STON2: variants seen among roughly 807,000 people sequenced by gnomAD.
STON2 encodes the protein stonin-2.
STON2 carries 29 observed loss-of-function variants against 65.7 expected under a neutral mutation model. The ratio of observed to expected loss-of-function variants is 0.44; its 90% CI spans 0.33 to 0.60. The LOEUF (loss-of-function observed/expected upper bound fraction) is 0.60. Ranked by LOEUF, STON2 falls within the 20% of genes least tolerant of loss-of-function variation. The pLI is 0.03. For missense variants in STON2, 1,054 were observed against 1,118.1 expected, an observed-to-expected ratio of 0.94 and a Z score of 0.82; for synonymous variants, 404 against 414.2, an observed-to-expected ratio of 0.98 and a Z score of 0.30.
chr14:81,425,914 A>G (rs1413805966), intron 2 of STON2, among the ~76,000 whole-genome samples: 4 of 152,236 alleles, frequency 2.6e-5, no homozygotes, highest in African/African-American at 9.7e-5. Flanking sequence ...GAAGAAAAAC[A>G]GTAGCAATAT....
chr14:81,337,991 G>C (rs1301572875), intron 4 of STON2, among the ~76,000 whole-genome samples: 1 of 152,126 alleles, frequency 6.6e-6, no homozygotes, highest in African/African-American at 2.4e-5. Flanking sequence ...AAACATGTTT[G>C]GTTTCTACCC....
chr14:81,285,487 T>G (rs1895297166), intron 5 of STON2, among the ~76,000 whole-genome samples: 1 of 152,188 alleles, frequency 6.6e-6, no homozygotes, highest in Admixed American at 6.5e-5. Context: ...TCTTTTTCCT[T>G]TTTATGGAGA....
At chr14:81,315,915 G>A (rs1298867574) in intron 5 of STON2, among the ~76,000 whole-genome samples, 1 of 152,184 alleles carries the variant, frequency 6.6e-6, no homozygotes, top group Non-Finnish European at 1.5e-5. Flanking sequence ...AACGTCACCA[G>A]AAAGGTAACA....
rs997206310 is a variant in STON2 at position 81,267,118 on chromosome 14, G to A, written c.*1296C>T. 1.6e-5 allele frequency: 16 copies of A among 985,156 alleles called. No individual in the cohort carries two copies. The highest frequency in any genetic ancestry group is 4.7e-5 in the South Asian group (1 of 21,274). The allele number at this position is 985,156 out of a possible 1,614,324, so 61.0% of individuals were successfully genotyped here. Reference sequence around the variant, plus strand: ...CAATGAAGTGTGCTTTCTGTCCCCCGACTTGTATTCTTCATGGGAGAAAAC... The same window carrying A: ...CAATGAAGTGTGCTTTCTGTCCCCCAACTTGTATTCTTCATGGGAGAAAAC... On this transcript the variant is annotated 3_prime_UTR_variant, in exon 8 of 8. Coordinates refer to ENST00000614646, the MANE Select transcript of STON2 (RefSeq NM_001394390.1).
In STON2 at chr14:81,267,534, ATT is replaced by A; in HGVS notation, c.*878_*879del. ...TACAAATGCCTCAGGTATTATGTAT[ATT>A]TGTTTCAGGAATCAGAAGTGGACTG... On this transcript the variant is annotated 3_prime_UTR_variant, in exon 8 of 8. Coordinates refer to ENST00000614646, the MANE Select transcript of STON2 (RefSeq NM_001394390.1). 1 of 985,364 alleles carries A rather than the reference ATT, an allele frequency of 1.0e-6. No individual in the cohort carries two copies. The highest frequency in any genetic ancestry group is 1.2e-6 in the Non-Finnish European group (1 of 829,858). 61.0% of individuals were successfully genotyped at this position (985,364 alleles called of 1,614,324 possible).
Position 81,268,179 on chromosome 14 carries a change from T to A in STON2, c.*235A>T, listed in dbSNP as rs576876088. 4 of 1,125,682 alleles carry A rather than the reference T, an allele frequency of 3.6e-6. No individual in the cohort carries two copies. In the East Asian group the frequency reaches 2.1e-4, roughly 59 times the overall value. 69.7% of individuals were successfully genotyped at this position (1,125,682 alleles called of 1,614,324 possible). A position where few individuals can be genotyped will look rare whatever the true frequency, so the allele number is the denominator to read the frequency against. ...GTAAGCTCCAACAGTCAGGTGAACCTCGTGCTTTAGGCATGACCAGAATCA... is the reference window on the plus strand; with the variant it reads ...GTAAGCTCCAACAGTCAGGTGAACCACGTGCTTTAGGCATGACCAGAATCA... On this transcript the variant is annotated 3_prime_UTR_variant, in exon 8 of 8. Transcript: ENST00000614646.
intron 7 of STON2, chr14:81,269,335 C>T (rs373589105): frequency 1.0e-6 from 1 of 985,426 alleles, no homozygotes; most frequent in African/African-American, 1.7e-5. Context: ...TTTAGAAAAC[C>T]TCCGAACTGA....
At chr14:81,386,994 G>A (rs1489841086) in intron 3 of STON2, among the ~76,000 whole-genome samples, 1 of 152,164 alleles carries the variant, frequency 6.6e-6, no homozygotes, top group African/African-American at 2.4e-5. Flanking sequence ...TTTAAAGCCA[G>A]AGGAAGCCTT....
intron 5 of STON2, among the ~76,000 whole-genome samples, chr14:81,316,296 T>C (rs1315530371): frequency 6.6e-6 from 1 of 152,180 alleles, no homozygotes; most frequent in Non-Finnish European, 1.5e-5. Flanking sequence ...TCTATTTCAG[T>C]GGTCAGGGCA....
chr14:81,392,547 T>G (rs954151793), intron 3 of STON2, among the ~76,000 whole-genome samples: 1 of 152,190 alleles, frequency 6.6e-6, no homozygotes, highest in African/African-American at 2.4e-5. Context: ...GTGGGCCAAG[T>G]GTAGCATAGT....
intron 5 of STON2, among the ~76,000 whole-genome samples, chr14:81,305,274 C>A (rs1396174888): frequency 6.6e-6 from 1 of 152,222 alleles, no homozygotes; most frequent in Non-Finnish European, 1.5e-5. Context: ...AGGAGCAGAA[C>A]TGCTCTCTCA....
At chr14:81,279,749 A>G (rs183195885) in intron 5 of STON2, among the ~76,000 whole-genome samples, 1 of 152,298 alleles carries the variant, frequency 6.6e-6, no homozygotes, top group Admixed American at 6.5e-5. Context: ...TTAGTGCTCA[A>G]TGAGGGTAAA....
chr14:81,273,967 C>T (rs1435188463), intron 6 of STON2, among the ~76,000 whole-genome samples: 1 of 152,184 alleles, frequency 6.6e-6, no homozygotes, highest in Non-Finnish European at 1.5e-5. Flanking sequence ...GCTGTCTGAA[C>T]ACCTAGACAG....
At chr14:81,400,771 T>C (rs1044329762), upstream of STON2, among the ~76,000 whole-genome samples, 3 of 152,144 alleles carry the variant, frequency 2.0e-5, no homozygotes, top group East Asian at 1.9e-4. Context: ...AGGAGTTAGG[T>C]TGTTCGGATT....
chr14:81,319,058 G>C (rs959957573), intron 5 of STON2, among the ~76,000 whole-genome samples: 2 of 152,068 alleles, frequency 1.3e-5, no homozygotes, highest in African/African-American at 4.8e-5. Flanking sequence ...GGTGCCAAGG[G>C]AAGGATGAGA....
rs764992214 is a variant in STON2 at position 81,277,147 on chromosome 14, G to C, written c.2335C>G (p.Gln779Glu). 1 of 1,614,114 alleles carries C rather than the reference G, an allele frequency of 6.2e-7. No individual in the cohort carries two copies. Among genetic ancestry groups the C allele is most frequent in the Non-Finnish European group, 8.5e-7 (1 of 1,180,054 alleles). Residue 779 changes from glutamine (Q) to glutamate (E), a missense_variant, in exon 6 of 8, where the codon CAG becomes GAG. Gln to Glu is a conservative substitution (Grantham distance 29). Coordinates refer to ENST00000614646, the MANE Select transcript of STON2 (RefSeq NM_001394390.1). The part of the protein sequence containing the change: ...GFSANRDPLT[Q>E]VPCENVMIRY... ...ATCATCACATTCTCACAGGGAACCT[G>C]AGTGAGGGGGTCACGATTGGCGGAG...
chr14:81,283,629 C>T (rs1387538670), intron 5 of STON2, among the ~76,000 whole-genome samples: 1 of 149,420 alleles, frequency 6.7e-6, no homozygotes, highest in Non-Finnish European at 1.5e-5. Context: ...CTCCCGGGTT[C>T]AAGCCATTCT....
chr14:81,385,946 T>C (rs759237111), intron 3 of STON2, among the ~76,000 whole-genome samples: 1 of 152,122 alleles, frequency 6.6e-6, no homozygotes, highest in African/African-American at 2.4e-5. Context: ...GGCCCCCCGC[T>C]GCAGAGGCGA....
Position 81,262,236 on chromosome 14 carries a change from T to G in STON2, c.*6178A>C. 1 of 985,430 alleles carries G rather than the reference T, an allele frequency of 1.0e-6. No homozygotes were observed. The highest frequency in any genetic ancestry group is 1.2e-6 in the Non-Finnish European group (1 of 829,930). The allele number at this position is 985,430 out of a possible 1,614,324, so 61.0% of individuals were successfully genotyped here. On this transcript the variant is annotated 3_prime_UTR_variant, in exon 8 of 8. Transcript: ENST00000614646. ...TCTCCATGGCTATGTCCTGTAAAGA[T>G]TCACAGAAACCCCAATTTCCCCTTA...
Sources: allele counts gnomAD v4.1 joint callset (sites outside exome capture counted in the v4.1 genomes callset), GRCh38; gene constraint gnomAD v4.1.1; transcripts MANE v1.5; gene names NCBI Gene and HGNC (gene_info 2026-07-23, HGNC 2026-07-21).